Variants in SCAMP1 observed in about 807,000 individuals in gnomAD.
The protein encoded by SCAMP1 is secretory carrier-associated membrane protein 1.
In SCAMP1, 15 loss-of-function variants were observed where a neutral mutation model predicts 41.8. The ratio of observed to expected loss-of-function variants is 0.36; its 90% CI spans 0.24 to 0.55. The LOEUF (loss-of-function observed/expected upper bound fraction) is 0.55. Among genes scored for constraint, SCAMP1 ranks in the 20% least tolerant of loss-of-function variants. The probability of loss-of-function intolerance (pLI) is 0.86; values close to 1 mark genes in which losing one functional copy is unlikely to be tolerated. For synonymous variants in SCAMP1, 135 were observed against 136.8 expected, an observed-to-expected ratio of 0.99 and a Z score of 0.09; for missense variants, 341 against 412.6, an observed-to-expected ratio of 0.83 and a Z score of 1.50.
chr5:78,409,422 T>C (rs963317885), intron 2 of SCAMP1, among the ~76,000 whole-genome samples: 1 of 148,906 alleles, frequency 6.7e-6, no homozygotes, highest in South Asian at 2.1e-4. Flanking sequence ...CACATATAGA[T>C]ACACACACAC....
chr5:78,365,633 C>A (rs1457621638), intron 1 of SCAMP1, among the ~76,000 whole-genome samples: 1 of 152,054 alleles, frequency 6.6e-6, no homozygotes, highest in Non-Finnish European at 1.5e-5. Flanking sequence ...TAATTAAGTG[C>A]TTTGCCTACA....
rs1030793853 is a variant in SCAMP1, at chr5:78,478,232, A to G, written c.*2564A>G. The G allele has an allele frequency of 3.3e-5, 5 of 152,504 alleles. No homozygotes were observed. The highest frequency in any genetic ancestry group is 7.4e-5 in the Non-Finnish European group (5 of 67,966). The allele number at this position is 152,504 out of a possible 1,614,324, so 9.4% of individuals were successfully genotyped here. ...TTTCAGTGGGTTGGAAGTTTTGTAT[A>G]TTTATTGTATTAACACAGAGTGTCA... On this transcript the variant is annotated 3_prime_UTR_variant, in exon 9 of 9. Transcript: ENST00000621999.
intron 1 of SCAMP1, among the ~76,000 whole-genome samples, chr5:78,369,987 C>G (rs1269759553): frequency 6.6e-6 from 1 of 152,192 alleles, no homozygotes; most frequent in Non-Finnish European, 1.5e-5. Context: ...AGGCCATTTT[C>G]AAGAATTCCT....
At chr5:78,433,334 A>G (rs1752668409) in intron 6 of SCAMP1, among the ~76,000 whole-genome samples, 1 of 152,022 alleles carries the variant, frequency 6.6e-6, no homozygotes, top group Non-Finnish European at 1.5e-5. Context: ...TCTTTTGAAG[A>G]CGGTAGAGAC....
At chr5:78,439,330 C>T (rs2362830) in intron 6 of SCAMP1, among the ~76,000 whole-genome samples, 42,953 of 150,036 alleles carry the variant, frequency 0.29, 6,383 homozygotes, top group East Asian at 0.54. Flanking sequence ...TACAATTTGG[C>T]ATGTTTTTGC....
intron 7 of SCAMP1, among the ~76,000 whole-genome samples, chr5:78,457,153 A>G (rs929654237): frequency 2.0e-5 from 3 of 150,622 alleles, no homozygotes; most frequent in African/African-American, 7.4e-5. Context: ...GCTCAGAGTA[A>G]TTTGATCGTC....
intron 8 of SCAMP1, among the ~76,000 whole-genome samples, chr5:78,467,843 A>C (rs1016940150): frequency 2.0e-5 from 3 of 152,106 alleles, no homozygotes; most frequent in Non-Finnish European, 4.4e-5. Flanking sequence ...TAAAAACCTA[A>C]TTTTTCCTTT....
At position 78,479,364 on chromosome 5, in the gene SCAMP1, T is replaced by C. The variant is rs1469256424; in HGVS notation, c.*3696T>C. Among the ~76,000 whole-genome samples the C allele has an allele frequency of 6.6e-6, 1 of 152,218 alleles. No individual in the cohort carries two copies. Among genetic ancestry groups the C allele is most frequent in the Non-Finnish European group, 1.5e-5 (1 of 68,036 alleles). On this transcript the variant is annotated 3_prime_UTR_variant, in exon 9 of 9. Transcript: ENST00000621999. ...TTTAAAGTACAATAGTATACATTTA[T>C]TTAGAGTAGACTAATGTGTTTAAAA...
intron 1 of SCAMP1, among the ~76,000 whole-genome samples, chr5:78,362,088 T>C (rs1750670493): frequency 6.6e-6 from 1 of 152,128 alleles, no homozygotes; most frequent in African/African-American, 2.4e-5. Flanking sequence ...TTTAAGACTT[T>C]TTTTTTTTTC....
intron 8 of SCAMP1, among the ~76,000 whole-genome samples, chr5:78,468,285 T>C (rs1213219011): frequency 6.6e-6 from 1 of 152,232 alleles, no homozygotes; most frequent in African/African-American, 2.4e-5. Flanking sequence ...TCCTTATCTT[T>C]CACAAATAGA....
At chr5:78,431,459 G>T (rs1752620836) in intron 6 of SCAMP1, among the ~76,000 whole-genome samples, 1 of 149,300 alleles carries the variant, frequency 6.7e-6, no homozygotes, top group Non-Finnish European at 1.5e-5. Flanking sequence ...TATCTGCTTG[G>T]ATTAAAATCT....
intron 6 of SCAMP1, among the ~76,000 whole-genome samples, chr5:78,439,389 A>G (rs1752857472): frequency 6.6e-6 from 1 of 151,972 alleles, no homozygotes. Flanking sequence ...TTCCTTCAGG[A>G]GCTCTTGTAA....
rs115087150 is a variant in SCAMP1 at position 78,421,265 on chromosome 5, G to A, written c.473-536G>A. On this transcript the variant is annotated intron_variant, in intron 5 of 8. Coordinates refer to ENST00000621999, the MANE Select transcript of SCAMP1 (RefSeq NM_004866.6). ...AATAAATTTAATCCTCTACCAAAACGCAAGTTTTTTTCAGGATTTTACAAA... is the reference window on the plus strand; with the variant it reads ...AATAAATTTAATCCTCTACCAAAACACAAGTTTTTTTCAGGATTTTACAAA... Among the ~76,000 whole-genome samples the A allele has an allele frequency of 2.7e-4, 41 of 152,268 alleles. 1 individual carries two copies. The highest frequency in any genetic ancestry group is 2.4e-4 in the Non-Finnish European group (16 of 68,010).
At chr5:78,412,911 T>C (rs1752116377) in intron 2 of SCAMP1, among the ~76,000 whole-genome samples, 1 of 152,208 alleles carries the variant, frequency 6.6e-6, no homozygotes, top group Non-Finnish European at 1.5e-5. Flanking sequence ...TTTCCATTCT[T>C]AATTTGACAG....
chr5:78,437,811 C>G (rs754808411), intron 6 of SCAMP1, among the ~76,000 whole-genome samples: 1 of 152,162 alleles, frequency 6.6e-6, no homozygotes, highest in Non-Finnish European at 1.5e-5. Context: ...CTTTGTACCT[C>G]TGATAGAATT....
At chr5:78,370,303 G>T (rs1042449073) in intron 1 of SCAMP1, among the ~76,000 whole-genome samples, 5 of 152,194 alleles carry the variant, frequency 3.3e-5, no homozygotes, top group Non-Finnish European at 5.9e-5. Context: ...TCACAAGGGA[G>T]AATTTTCCAA....
At chr5:78,366,010 T>C (rs920784641) in intron 1 of SCAMP1, among the ~76,000 whole-genome samples, 1 of 152,156 alleles carries the variant, frequency 6.6e-6, no homozygotes, top group Non-Finnish European at 1.5e-5. Context: ...CCCAGAACTC[T>C]GGAGGCTAGG....
chr5:78,436,905 A>G (rs1291399102), intron 6 of SCAMP1, among the ~76,000 whole-genome samples: 1 of 152,120 alleles, frequency 6.6e-6, no homozygotes. Flanking sequence ...TTCGTTGAGC[A>G]GTGGTTTGTA....
At position 78,453,479 on chromosome 5, in the gene SCAMP1, A is replaced by C. The variant is rs987499173; in HGVS notation, c.734+3445A>C. ...ATTGCTTGTTTTTCTCAGGTTTGTC[A>C]AAGATCAGATAGTTGTAGATGTGTG... is the stretch of plus-strand genomic sequence containing the variant. On this transcript the variant is annotated intron_variant, in intron 7 of 8. Coordinates refer to ENST00000621999, the MANE Select transcript of SCAMP1 (RefSeq NM_004866.6). Among the ~76,000 whole-genome samples the C allele has an allele frequency of 1.0e-3, 159 of 152,148 alleles. 2 individuals carry two copies. The highest frequency in any genetic ancestry group is 1.8e-4 in the Non-Finnish European group (12 of 68,002).
Sources: allele counts gnomAD v4.1 joint callset (sites outside exome capture counted in the v4.1 genomes callset), GRCh38; gene constraint gnomAD v4.1.1; transcripts MANE v1.5; gene names NCBI Gene and HGNC (gene_info 2026-07-23, HGNC 2026-07-21).